Variants in DTHD1 observed in about 807,000 individuals in gnomAD.
DTHD1 encodes the protein death domain-containing protein 1.
Under a neutral mutation model 74.8 loss-of-function variants are expected in DTHD1, and 59 were observed. That is an observed-to-expected ratio of 0.79 (90% CI 0.64 to 0.98). The LOEUF is 0.98. Among genes scored for constraint, DTHD1 ranks in the 50% least tolerant of loss-of-function variants. The pLI is 0.00. For synonymous variants in DTHD1, 365 were observed against 371.1 expected (o/e 0.98, Z 0.19); for missense variants, 1,051 against 1,065.4 (o/e 0.99, Z 0.19).
chr4:36,292,938 T>A (rs1756170675), intron 3 of DTHD1, among the ~76,000 whole-genome samples: 1 of 152,216 alleles, frequency 6.6e-6, no homozygotes, highest in Non-Finnish European at 1.5e-5. Context: ...CATTACAAAT[T>A]TGAATGTCAT....
chr4:36,335,324 G>A (rs1217394895), intron 8 of DTHD1, among the ~76,000 whole-genome samples: 2 of 152,204 alleles, frequency 1.3e-5, no homozygotes, highest in East Asian at 3.9e-4. Flanking sequence ...CCCAGGCTCA[G>A]GTGATCCTCC....
chr4:36,327,249 G>A (rs1354154581), intron 8 of DTHD1, among the ~76,000 whole-genome samples: 4 of 152,154 alleles, frequency 2.6e-5, no homozygotes, highest in African/African-American at 7.2e-5. Context: ...TTACAGGTGT[G>A]AGCCACCGCG....
intron 9 of DTHD1, among the ~76,000 whole-genome samples, chr4:36,339,395 A>G (rs971762296): frequency 2.6e-5 from 4 of 152,264 alleles, no homozygotes; most frequent in African/African-American, 9.6e-5. Context: ...GAAATCAACA[A>G]GAAATATAAA....
chr4:36,296,384 C>A (rs1329463945), intron 5 of DTHD1, among the ~76,000 whole-genome samples: 1 of 151,772 alleles, frequency 6.6e-6, no homozygotes, highest in Non-Finnish European at 1.5e-5. Flanking sequence ...CGAGAACAAG[C>A]AAGTATTATT....
chr4:36,283,771 A>C (rs541300471), intron 1 of DTHD1: 1 of 557,076 alleles, frequency 1.8e-6, no homozygotes, highest in African/African-American at 1.9e-5. Context: ...ACCATGTTAA[A>C]AATGGTTTGT....
intron 8 of DTHD1, among the ~76,000 whole-genome samples, chr4:36,330,174 G>A (rs959918320): frequency 6.6e-6 from 1 of 152,122 alleles, no homozygotes; most frequent in Non-Finnish European, 1.5e-5. Context: ...TTAAGGGTAC[G>A]AGTTTAATGA....
At chr4:36,312,015 A>G (rs780142642) in intron 7 of DTHD1, among the ~76,000 whole-genome samples, 12 of 152,196 alleles carry the variant, frequency 7.9e-5, no homozygotes, top group Non-Finnish European at 1.6e-4. Flanking sequence ...TATCTCTAAT[A>G]GGAAGGAAGA....
intron 3 of DTHD1, among the ~76,000 whole-genome samples, chr4:36,292,369 TAAC>T: frequency 6.6e-6 from 1 of 152,336 alleles, no homozygotes; most frequent in South Asian, 2.1e-4. Flanking sequence ...TTGTCTATCA[TAAC>T]AAATACAGGC....
At chr4:36,337,509 G>C (rs1034419090) in intron 8 of DTHD1, among the ~76,000 whole-genome samples, 1 of 152,150 alleles carries the variant, frequency 6.6e-6, no homozygotes, top group Non-Finnish European at 1.5e-5. Context: ...CCCTTTGATG[G>C]GAATGATAGA....
At chr4:36,306,612 C>T (rs1203085526) in intron 6 of DTHD1, among the ~76,000 whole-genome samples, 1 of 152,194 alleles carries the variant, frequency 6.6e-6, no homozygotes, top group Non-Finnish European at 1.5e-5. Flanking sequence ...TTTAAAATAG[C>T]ACCTTCATTT....
intron 5 of DTHD1, among the ~76,000 whole-genome samples, chr4:36,296,305 A>G (rs13142686): frequency 0.18 from 27,497 of 152,124 alleles, 3,002 homozygotes; most frequent in Non-Finnish European, 0.24. Context: ...AGAATGGACT[A>G]CTCACATGCT....
At chr4:36,331,379 G>C (rs1758660003) in intron 8 of DTHD1, among the ~76,000 whole-genome samples, 1 of 152,128 alleles carries the variant, frequency 6.6e-6, no homozygotes, top group Admixed American at 6.5e-5. Flanking sequence ...TTACTTAGTT[G>C]AAGTGGTCTA....
chr4:36,324,458 T>A (rs1229543875), intron 8 of DTHD1, among the ~76,000 whole-genome samples: 1 of 152,262 alleles, frequency 6.6e-6, no homozygotes. Context: ...ATTTCATTGA[T>A]GTGTTTGCAC....
intron 8 of DTHD1, among the ~76,000 whole-genome samples, chr4:36,329,370 A>G (rs150675600): frequency 3.3e-4 from 50 of 152,266 alleles, no homozygotes; most frequent in African/African-American, 1.1e-3. Flanking sequence ...CCACTTCTGA[A>G]TAGTTTAGTG....
chr4:36,289,600 G>T (rs76371101), intron 2 of DTHD1, among the ~76,000 whole-genome samples: 1,992 of 152,150 alleles, frequency 0.013, 38 homozygotes, highest in African/African-American at 0.045. Flanking sequence ...TGAGAATAGT[G>T]TGTAACCTAA....
intron 7 of DTHD1, among the ~76,000 whole-genome samples, chr4:36,315,176 T>C (rs1290220871): frequency 1.3e-5 from 2 of 152,250 alleles, no homozygotes; most frequent in Non-Finnish European, 2.9e-5. Flanking sequence ...GTGTTTATTC[T>C]ACTGTTGAAA....
rs543928536 is a variant in DTHD1, at chr4:36,343,630, G to T, written c.2527G>T (p.Asp843Tyr). Residue 843 changes from aspartate to tyrosine, a missense_variant, in exon 10 of 10, where the codon GAT becomes TAT. Physicochemically the swap from Asp to Tyr is radical, Grantham distance 160 (BLOSUM62 -3). Transcript: ENST00000639862. ...GCTCATCAAACTCAAGAACCCTGAT[G>T]ATCTCACAGAACAGATCCACGAGTT... ...IQLIKLKNPDDLTEQIHEFLC... is the reference protein window; with the variant it reads ...IQLIKLKNPDYLTEQIHEFLC... 108 of 1,551,876 alleles carry T rather than the reference G, an allele frequency of 7.0e-5. No homozygotes were observed. In the South Asian group the frequency reaches 1.2e-3, roughly 18 times the overall value.
In DTHD1 at chr4:36,316,380, A is replaced by G. The variant is rs1757734629; in HGVS notation, c.2234A>G (p.Tyr745Cys). The change falls in exon 8 of 10, where the codon TAT becomes TGT. Residue 745 changes from tyrosine (Y) to cysteine (C), a missense_variant. By Grantham distance (194) the Tyr-to-Cys change is radical (BLOSUM62 -2). Coordinates refer to ENST00000639862, the MANE Select transcript of DTHD1 (RefSeq NM_001170700.3). The part of the protein sequence containing the change: ...CPHYKGTIVV[Y>C]KVPKGKIVPN... Reference sequence around the variant, plus strand: ...CATTACAAAGGCACCATTGTCGTTTATAAAGTACCTAAAGGAAAGATAGTC... The same window carrying G: ...CATTACAAAGGCACCATTGTCGTTTGTAAAGTACCTAAAGGAAAGATAGTC... 6.4e-7 allele frequency: 1 copy of G among 1,552,204 alleles called. No homozygotes were observed. The highest frequency in any genetic ancestry group is 8.7e-7 in the Non-Finnish European group (1 of 1,147,084).
Position 36,339,162 on chromosome 4 carries a change from T to C in DTHD1, c.2391T>C (p.Asp797=). Residue 797 remains aspartate, a synonymous_variant, in exon 9 of 10, where the codon GAT becomes GAC. Coordinates refer to ENST00000639862, the MANE Select transcript of DTHD1 (RefSeq NM_001170700.3). ...AGAGTACCAAAAGAGTTTCTAAGGA[T>C]CCTGTAGGTGAGGAATATTTGCTTT... The part of the protein sequence containing the change: ...RPQSTKRVSK[D]PVEALWDNLL... The C allele has an allele frequency of 6.5e-7, 1 of 1,546,598 alleles. No individual in the cohort carries two copies. The highest frequency in any genetic ancestry group is 8.7e-7 in the Non-Finnish European group (1 of 1,143,080).
Sources: gnomAD v4.1 joint callset for allele counts (sites outside exome capture counted in the v4.1 genomes callset) on GRCh38, gnomAD v4.1.1 for gene constraint, MANE v1.5 for transcripts, NCBI Gene and HGNC (gene_info 2026-07-23, HGNC 2026-07-21) for gene names.